Variants in PRUNE2 observed in about 807,000 individuals in gnomAD.
PRUNE2 encodes the protein prune homolog 2 with BCH domain.
PRUNE2 carries 164 observed loss-of-function variants against 252.0 expected under a neutral mutation model. The ratio of observed to expected loss-of-function variants is 0.65; its 90% CI spans 0.57 to 0.74. The LOEUF is 0.74. PRUNE2 is among the 30% of genes least tolerant of loss of function. PRUNE2 has a pLI of 0.00. For missense variants in PRUNE2, 3,495 were observed against 3,711.0 expected (o/e 0.94, Z 1.51); for synonymous variants, 1,292 against 1,350.2 (o/e 0.96, Z 0.94).
intron 6 of PRUNE2, among the ~76,000 whole-genome samples, chr9:76,747,425 C>A (rs1457221857): frequency 6.6e-6 from 1 of 152,196 alleles, no homozygotes; most frequent in Non-Finnish European, 1.5e-5. Flanking sequence ...TCTTTAAACA[C>A]ATGGTCTCAT....
At position 76,709,658 on chromosome 9, in the gene PRUNE2, G is replaced by A. The variant is rs767426181; in HGVS notation, c.2616C>T (p.Ser872=). 9 of 1,613,816 alleles carry A rather than the reference G, an allele frequency of 5.6e-6. No individual in the cohort carries two copies. Among genetic ancestry groups the A allele is most frequent in the Middle Eastern group, 3.3e-4 (2 of 6,084 alleles). Residue 872 remains serine (S), a synonymous_variant, in exon 8 of 19, where the codon TCC becomes TCT. Transcript: ENST00000376718. The part of the protein sequence containing the change: ...PEIWGKKNND[S]RDHIFAPGNP... Reference sequence around the variant, plus strand: ...TTCCAGGTGCAAAGATGTGATCCCTGGAGTCATTGTTTTTCTTGCCCCAGA... The same window carrying A: ...TTCCAGGTGCAAAGATGTGATCCCTAGAGTCATTGTTTTTCTTGCCCCAGA...
At chr9:76,645,506 T>C (rs929002424) in intron 11 of PRUNE2, among the ~76,000 whole-genome samples, 1 of 152,072 alleles carries the variant, frequency 6.6e-6, no homozygotes, top group African/African-American at 2.4e-5. Context: ...CAAGACTTTA[T>C]AGTGAGAAAC....
At chr9:76,880,596 A>C (rs778413959) in intron 1 of PRUNE2, among the ~76,000 whole-genome samples, 1 of 152,220 alleles carries the variant, frequency 6.6e-6, no homozygotes, top group Non-Finnish European at 1.5e-5. Context: ...ACATTAAAAA[A>C]TAAATTAATT....
chr9:76,795,991 A>G (rs2131475770), intron 6 of PRUNE2, among the ~76,000 whole-genome samples: 1 of 152,324 alleles, frequency 6.6e-6, no homozygotes, highest in East Asian at 1.9e-4. Context: ...CTGATAAATC[A>G]AGGGAACTAA....
intron 4 of PRUNE2, among the ~76,000 whole-genome samples, chr9:76,830,187 A>G (rs1229314941): frequency 6.6e-6 from 1 of 152,254 alleles, no homozygotes; most frequent in African/African-American, 2.4e-5. Flanking sequence ...AGAAAAAGCG[A>G]TGAAAAATAC....
At chr9:76,715,779 T>C (rs1203997814) in intron 6 of PRUNE2, among the ~76,000 whole-genome samples, 1 of 152,184 alleles carries the variant, frequency 6.6e-6, no homozygotes, top group African/African-American at 2.4e-5. Context: ...TCATATACAA[T>C]GTGTGTTCAA....
intron 6 of PRUNE2, among the ~76,000 whole-genome samples, chr9:76,779,130 T>C (rs2054103907): frequency 6.6e-6 from 1 of 152,210 alleles, no homozygotes; most frequent in South Asian, 2.1e-4. Flanking sequence ...AAAATCAATG[T>C]AGACGCAAAT....
At position 76,705,119 on chromosome 9, in the gene PRUNE2, CA is replaced by C; in HGVS notation, c.7154del (p.Leu2385ArgfsTer27). 1.2e-6 allele frequency: 2 copies of C among 1,614,026 alleles called. No homozygotes were observed. The highest frequency in any genetic ancestry group is 1.7e-6 in the Non-Finnish European group (2 of 1,179,886). On this transcript the variant is annotated frameshift_variant, in exon 8 of 19. Transcript: ENST00000376718. LOFTEE classifies it high-confidence loss of function. ...GGDPPLEEDS[L>X]KQSLAPYTPP... ...GTGTGTACGGTGCCAGCGACTGCTT[CA>C]GAGAATCTTCCTCCAAAGGAGGGTC...
chr9:76,696,770 G>C (rs1201189089), intron 9 of PRUNE2, among the ~76,000 whole-genome samples: 1 of 152,216 alleles, frequency 6.6e-6, no homozygotes, highest in Non-Finnish European at 1.5e-5. Flanking sequence ...GGAGATGCGG[G>C]GGAAGAGGCG....
rs561885554 is a variant in PRUNE2, at chr9:76,680,966, C to T, written c.8276+22371G>A. Among the ~76,000 whole-genome samples, 9 of 152,194 alleles carry T rather than the reference C, an allele frequency of 5.9e-5. 1 individual carries two copies. The South Asian group carries it at 1.9e-3, about 32-fold the overall frequency. The stretch of plus-strand genomic sequence containing the variant: ...CAATCACCTCCCACAAGGCACCTCC[C>T]CCAACACATGGAGATTATAATTCAA... On this transcript the variant is annotated intron_variant, in intron 9 of 18. Transcript: ENST00000376718.
intron 2 of PRUNE2, 24 bp downstream of exon 2, chr9:76,854,080 G>T (rs2060110027): frequency 3.6e-6 from 4 of 1,110,238 alleles, no homozygotes; most frequent in Admixed American, 1.9e-5. Flanking sequence ...AAAATATAAG[G>T]AGTATTACCC....
chr9:76,708,518 G>C lies in PRUNE2; in HGVS notation c.3756C>G (p.Ile1252Met). The change falls in exon 8 of 19, where the codon ATC (isoleucine) becomes ATG (methionine). Residue 1252 changes from isoleucine (I) to methionine (M), a missense_variant. Coordinates refer to ENST00000376718, the MANE Select transcript of PRUNE2 (RefSeq NM_015225.3). Reference sequence around the variant, plus strand: ...CTTTAACATTTGCTGAATGGCTGGGGATTTCAGGAGGCAATTCCCTTTGCT... The same window carrying C: ...CTTTAACATTTGCTGAATGGCTGGGCATTTCAGGAGGCAATTCCCTTTGCT... ...DSEQRELPPEIPSHSANVKDT... is the reference protein window; with the variant it reads ...DSEQRELPPEMPSHSANVKDT... 2 of 1,613,972 alleles carry C rather than the reference G, an allele frequency of 1.2e-6. No individual in the cohort carries two copies. The highest frequency in any genetic ancestry group is 1.7e-6 in the Non-Finnish European group (2 of 1,179,886).
chr9:76,872,490 A>C (rs1043856651), intron 1 of PRUNE2, among the ~76,000 whole-genome samples: 2 of 152,002 alleles, frequency 1.3e-5, no homozygotes, highest in Non-Finnish European at 2.9e-5. Context: ...GCCTTTCTTC[A>C]AGGGAAGAAA....
rs140979557 is a variant in PRUNE2, at chr9:76,841,076, G to C, written c.508+5439C>G. Among the ~76,000 whole-genome samples, 695 of 152,278 alleles carry C rather than the reference G, an allele frequency of 4.6e-3. 5 individuals carry two copies. The highest frequency in any genetic ancestry group is 7.4e-3 in the Non-Finnish European group (500 of 68,018). On this transcript the variant is annotated intron_variant, in intron 4 of 18. Transcript: ENST00000376718. The stretch of plus-strand genomic sequence containing the variant: ...CTCCCAACAAGATCAATGCAGAAGG[G>C]GGGTGATGTCTGCATTTCCAACTGA...
At chr9:76,678,768 C>T (rs1040738180) in intron 9 of PRUNE2, among the ~76,000 whole-genome samples, 17 of 152,174 alleles carry the variant, frequency 1.1e-4, no homozygotes, top group African/African-American at 1.2e-4. Context: ...GCGGAGCTTG[C>T]GGTGAGCCGA....
At chr9:76,627,300 G>GGT (rs1554769329) in intron 16 of PRUNE2, among the ~76,000 whole-genome samples, 1 of 124,842 alleles carries the variant, frequency 8.0e-6, no homozygotes, top group Non-Finnish European at 1.7e-5. Flanking sequence ...ATGGGGTGGC[G>GGT]GGGGGCTCAC....
At chr9:76,699,155 A>G (rs2045671188) in intron 9 of PRUNE2, among the ~76,000 whole-genome samples, 1 of 151,724 alleles carries the variant, frequency 6.6e-6, no homozygotes, top group Non-Finnish European at 1.5e-5. Context: ...TCCCTTGCAC[A>G]TTATTTCCTT....
intron 6 of PRUNE2, among the ~76,000 whole-genome samples, chr9:76,769,244 A>G (rs892094005): frequency 2.0e-5 from 3 of 152,206 alleles, no homozygotes; most frequent in African/African-American, 7.2e-5. Context: ...AATTATACAC[A>G]CTATTCTGCA....
At chr9:76,635,426 A>C (rs1839611573) in intron 15 of PRUNE2, among the ~76,000 whole-genome samples, 1 of 152,166 alleles carries the variant, frequency 6.6e-6, no homozygotes, top group Non-Finnish European at 1.5e-5. Flanking sequence ...AATTCTGATA[A>C]CTTCGTTTTT....
Sources: allele counts gnomAD v4.1 joint callset (sites outside exome capture counted in the v4.1 genomes callset), GRCh38; gene constraint gnomAD v4.1.1; transcripts MANE v1.5; gene names NCBI Gene and HGNC (gene_info 2026-07-23, HGNC 2026-07-21).